Variants in MAST4 observed in about 807,000 individuals in gnomAD.
MAST4 encodes the protein microtubule associated serine/threonine kinase family member 4, also known as microtubule-associated serine/threonine-protein kinase 4.
MAST4 carries 89 observed loss-of-function variants against 162.7 expected under a neutral mutation model. The observed-to-expected ratio is 0.55, with a 90% CI of 0.46 to 0.65. The LOEUF is 0.65. Among genes scored for constraint, MAST4 ranks in the 30% least tolerant of loss-of-function variants. The probability of loss-of-function intolerance (pLI) is 0.00; values close to 1 mark genes in which losing one functional copy is unlikely to be tolerated. For synonymous variants in MAST4, 1,479 were observed against 1,361.1 expected (o/e 1.09, Z -1.91); for missense variants, 3,153 against 3,374.0 (o/e 0.93, Z 1.62).
At chr5:66,856,261 G>T (rs1050342310) in intron 3 of MAST4, among the ~76,000 whole-genome samples, 1 of 152,202 alleles carries the variant, frequency 6.6e-6, no homozygotes, top group African/African-American at 2.4e-5. Flanking sequence ...GTCAAAGGGT[G>T]CAGGGAGAAC....
chr5:67,134,003 A>G (rs1371226362), intron 17 of MAST4, among the ~76,000 whole-genome samples: 4 of 152,176 alleles, frequency 2.6e-5, no homozygotes, highest in Admixed American at 1.3e-4. Context: ...CACGGGTGCT[A>G]AATCCAAGCC....
At chr5:66,953,017 G>C (rs901537089) in intron 4 of MAST4, among the ~76,000 whole-genome samples, 1 of 152,126 alleles carries the variant, frequency 6.6e-6, no homozygotes, top group Non-Finnish European at 1.5e-5. Context: ...CTAGAACAGG[G>C]GCTGCTGAAT....
At chr5:66,912,895 T>C (rs1763869835) in intron 4 of MAST4, among the ~76,000 whole-genome samples, 1 of 152,180 alleles carries the variant, frequency 6.6e-6, no homozygotes. Context: ...ACACCACATC[T>C]ACTATTTAAT....
At chr5:66,665,813 CTATT>C (rs1747219171) in intron 1 of MAST4, among the ~76,000 whole-genome samples, 1 of 152,172 alleles carries the variant, frequency 6.6e-6, no homozygotes, top group Non-Finnish European at 1.5e-5. Flanking sequence ...ATATTAGTAT[CTATT>C]CTATGGGGTT....
At chr5:66,884,263 A>T (rs929877434) in intron 3 of MAST4, among the ~76,000 whole-genome samples, 1 of 152,220 alleles carries the variant, frequency 6.6e-6, no homozygotes, top group Non-Finnish European at 1.5e-5. Flanking sequence ...TCTTGGGGAA[A>T]TCTTAAAATA....
At chr5:66,955,213 G>GAAAAA (rs59269171) in intron 4 of MAST4, among the ~76,000 whole-genome samples, 4 of 121,342 alleles carry the variant, frequency 3.3e-5, no homozygotes, top group African/African-American at 1.2e-4. Flanking sequence ...CCTTGTCTCA[G>GAAAAA]AAAAAAAAAA....
chr5:66,722,241 C>T (rs774059504), intron 1 of MAST4, among the ~76,000 whole-genome samples: 18 of 152,118 alleles, frequency 1.2e-4, no homozygotes, highest in East Asian at 1.9e-4. Context: ...TCCCTCATTC[C>T]GCTCCAGCCA....
At chr5:66,650,314 C>G (rs1387515416) in intron 1 of MAST4, among the ~76,000 whole-genome samples, 1 of 152,014 alleles carries the variant, frequency 6.6e-6, no homozygotes, top group East Asian at 1.9e-4. Context: ...TACTAGGAAG[C>G]ATTTCTCATG....
At position 66,596,465 on chromosome 5, in the gene MAST4, C is replaced by G. The variant is rs1227052772; in HGVS notation, c.-191C>G. On this transcript the variant is annotated 5_prime_UTR_variant, in exon 1 of 29. Coordinates refer to ENST00000403625, the MANE Select transcript of MAST4 (RefSeq NM_001164664.2). ...GGGAGCCTCCGTTTGCGGCCGGGCC[C>G]GGGCGGCTGTGAACTTAGCAGCGGG... 3.1e-6 allele frequency: 2 copies of G among 648,620 alleles called. No homozygotes were observed. Among genetic ancestry groups the G allele is most frequent in the Non-Finnish European group, 2.2e-6 (1 of 454,142 alleles). 40.2% of individuals were successfully genotyped at this position (648,620 alleles called of 1,614,324 possible). A position where few individuals can be genotyped will look rare whatever the true frequency, so the allele number is the denominator to read the frequency against.
chr5:66,715,613 A>G (rs1027232600), intron 1 of MAST4, among the ~76,000 whole-genome samples: 1 of 151,620 alleles, frequency 6.6e-6, no homozygotes, highest in African/African-American at 2.4e-5. Context: ...TGGCACATGT[A>G]TACATATATA....
At chr5:66,916,206 T>C (rs927483577) in intron 4 of MAST4, among the ~76,000 whole-genome samples, 1 of 152,202 alleles carries the variant, frequency 6.6e-6, no homozygotes, top group African/African-American at 2.4e-5. Context: ...AATTTTAAAT[T>C]GTATAAGTGG....
intron 1 of MAST4, among the ~76,000 whole-genome samples, chr5:66,710,959 A>G (rs894025321): frequency 4.6e-5 from 7 of 152,228 alleles, no homozygotes; most frequent in African/African-American, 7.2e-5. Context: ...CAGCACCCAT[A>G]TTAAGAAAGC....
At chr5:66,787,659 A>G (rs2149673146) in intron 2 of MAST4, among the ~76,000 whole-genome samples, 1 of 152,348 alleles carries the variant, frequency 6.6e-6, no homozygotes, top group South Asian at 2.1e-4. Context: ...CGCATGCTGC[A>G]ATCCCTCATG....
intron 1 of MAST4, among the ~76,000 whole-genome samples, chr5:66,733,213 C>T (rs1487023751): frequency 4.6e-5 from 7 of 152,068 alleles, no homozygotes; most frequent in Non-Finnish European, 1.0e-4. Context: ...TTCAGTTGTC[C>T]TGCCTCTGTC....
intron 4 of MAST4, among the ~76,000 whole-genome samples, chr5:67,020,970 G>A (rs554798417): frequency 8.0e-4 from 122 of 152,140 alleles, no homozygotes; most frequent in Non-Finnish European, 1.3e-3. Context: ...CAGAAACTCT[G>A]GACTGCAATT....
chr5:66,731,520 T>G (rs959247651), intron 1 of MAST4, among the ~76,000 whole-genome samples: 5 of 151,750 alleles, frequency 3.3e-5, no homozygotes, highest in Admixed American at 6.6e-5. Flanking sequence ...AAAAAATAGG[T>G]GCCCATCATT....
At chr5:66,982,842 C>A (rs1040271987) in intron 4 of MAST4, among the ~76,000 whole-genome samples, 11 of 152,224 alleles carry the variant, frequency 7.2e-5, no homozygotes, top group African/African-American at 2.7e-4. Flanking sequence ...TGCCAGCCTG[C>A]AACCACTGTT....
At chr5:66,886,796 T>C (rs1762068564) in intron 3 of MAST4, among the ~76,000 whole-genome samples, 1 of 151,540 alleles carries the variant, frequency 6.6e-6, no homozygotes, top group Non-Finnish European at 1.5e-5. Context: ...CACATGTATT[T>C]AGGGTAGGGT....
intron 3 of MAST4, among the ~76,000 whole-genome samples, chr5:66,897,518 G>T (rs1455477492): frequency 2.0e-5 from 3 of 152,294 alleles, no homozygotes; most frequent in Non-Finnish European, 4.4e-5. Context: ...TGCAGCTATT[G>T]TTCACAAGGT....
Sources: gnomAD v4.1 joint callset for allele counts (sites outside exome capture counted in the v4.1 genomes callset) on GRCh38, gnomAD v4.1.1 for gene constraint, MANE v1.5 for transcripts, NCBI Gene and HGNC (gene_info 2026-07-23, HGNC 2026-07-21) for gene names.